PTPRG: variants seen among roughly 807,000 people sequenced by gnomAD.
The protein encoded by PTPRG is receptor-type tyrosine-protein phosphatase gamma.
A neutral mutation model predicts 165.3 loss-of-function variants in PTPRG; 102 were observed. The observed-to-expected ratio is 0.62, with a 90% confidence interval of 0.53 to 0.73. PTPRG has a LOEUF of 0.73. Ranked by LOEUF, PTPRG falls within the 30% of genes least tolerant of loss-of-function variation. The probability of loss-of-function intolerance (pLI) is 0.00; values close to 1 mark genes in which losing one functional copy is unlikely to be tolerated. For missense variants in PTPRG, 1,866 were observed against 1,861.4 expected, an observed-to-expected ratio of 1.00 and a Z score of -0.05; for synonymous variants, 675 against 669.5, an observed-to-expected ratio of 1.01 and a Z score of -0.13.
At chr3:61,641,068 G>A (rs980427984) in intron 1 of PTPRG, among the ~76,000 whole-genome samples, 2 of 152,130 alleles carry the variant, frequency 1.3e-5, no homozygotes, top group Non-Finnish European at 2.9e-5. Context: ...GCAACTAGAG[G>A]CATATTTACA....
At chr3:61,664,815 A>G (rs1702761728) in intron 1 of PTPRG, among the ~76,000 whole-genome samples, 1 of 152,226 alleles carries the variant, frequency 6.6e-6, no homozygotes, top group African/African-American at 2.4e-5. Flanking sequence ...TGGGCGACAG[A>G]GCCAGATCCT....
At position 62,078,331 on chromosome 3, in the gene PTPRG, G is replaced by A. The variant is rs1228130448; in HGVS notation, c.615+73G>A. The A allele has an allele frequency of 2.9e-5, 30 of 1,032,818 alleles. No homozygotes were observed. The East Asian group carries it at 7.7e-4, about 27-fold the overall frequency. The allele number at this position is 1,032,818 out of a possible 1,614,324, so 64.0% of individuals were successfully genotyped here. On this transcript the variant is annotated intron_variant, in intron 5 of 29. Coordinates refer to ENST00000474889, the MANE Select transcript of PTPRG (RefSeq NM_002841.4). Reference sequence around the variant, plus strand: ...TTTTTAATTTGCCGAATTGTTCCATGTTTAATGAATGCATCTGTTTTCTAG... The same window carrying A: ...TTTTTAATTTGCCGAATTGTTCCATATTTAATGAATGCATCTGTTTTCTAG...
chr3:61,986,369 A>G (rs2040762953), intron 2 of PTPRG, among the ~76,000 whole-genome samples: 1 of 152,186 alleles, frequency 6.6e-6, no homozygotes, highest in Non-Finnish European at 1.5e-5. Context: ...AAATTGTATA[A>G]TAGTAATAAT....
intron 7 of PTPRG, among the ~76,000 whole-genome samples, chr3:62,158,966 C>T (rs576161225): frequency 1.1e-4 from 16 of 151,602 alleles, no homozygotes; most frequent in Non-Finnish European, 2.1e-4. Flanking sequence ...ATATAAACAG[C>T]GTTGGTGGAA....
At chr3:62,073,241 G>A (rs867025093) in intron 4 of PTPRG, among the ~76,000 whole-genome samples, 2 of 152,314 alleles carry the variant, frequency 1.3e-5, no homozygotes, top group Middle Eastern at 6.8e-3. Flanking sequence ...GAATGGTGGA[G>A]TTAGAAAGTC....
chr3:62,121,902 C>T (rs188773533), intron 5 of PTPRG, among the ~76,000 whole-genome samples: 1 of 152,316 alleles, frequency 6.6e-6, no homozygotes, highest in East Asian at 1.9e-4. Context: ...ATGGCACGTT[C>T]TATCAATCAA....
At chr3:61,810,765 G>C (rs1238170006) in intron 2 of PTPRG, among the ~76,000 whole-genome samples, 1 of 152,148 alleles carries the variant, frequency 6.6e-6, no homozygotes, top group African/African-American at 2.4e-5. Flanking sequence ...AGAATGAATA[G>C]GCATTTTTTA....
At chr3:61,746,193 C>A (rs1484928219) in intron 1 of PTPRG, among the ~76,000 whole-genome samples, 1 of 146,222 alleles carries the variant, frequency 6.8e-6, no homozygotes, top group Non-Finnish European at 1.5e-5. Flanking sequence ...CAGGCGTGTG[C>A]CACCACACAC....
intron 2 of PTPRG, among the ~76,000 whole-genome samples, chr3:61,813,890 CTTT>C (rs58457367): frequency 2.2e-5 from 3 of 133,418 alleles, no homozygotes; most frequent in Non-Finnish European, 4.8e-5. Flanking sequence ...GAGATACTGG[CTTT>C]TTTTTTTTTT....
intron 2 of PTPRG, among the ~76,000 whole-genome samples, chr3:61,927,471 G>A (rs1158172768): frequency 3.3e-5 from 5 of 152,188 alleles, no homozygotes. Context: ...CTCCCACTTG[G>A]CTGTTTTGAG....
At chr3:61,651,916 A>G (rs1480500560) in intron 1 of PTPRG, among the ~76,000 whole-genome samples, 1 of 152,162 alleles carries the variant, frequency 6.6e-6, no homozygotes, top group African/African-American at 2.4e-5. Flanking sequence ...AGGCTGAGGC[A>G]GGAGAATCAC....
chr3:61,588,578 T>G (rs967588921), intron 1 of PTPRG, among the ~76,000 whole-genome samples: 4 of 152,024 alleles, frequency 2.6e-5, no homozygotes, highest in African/African-American at 7.2e-5. Context: ...CTGGAGCAGC[T>G]GGGACTACAG....
intron 3 of PTPRG, among the ~76,000 whole-genome samples, chr3:61,995,332 G>A (rs2041004617): frequency 6.6e-6 from 1 of 151,862 alleles, no homozygotes; most frequent in African/African-American, 2.4e-5. Context: ...CAAGCAATCT[G>A]CCCCACCTCG....
At chr3:62,161,970 A>G (rs1186052495) in intron 7 of PTPRG, among the ~76,000 whole-genome samples, 3 of 152,182 alleles carry the variant, frequency 2.0e-5, no homozygotes, top group African/African-American at 4.8e-5. Context: ...TGCTGTGCTA[A>G]TAATGGACCG....
intron 5 of PTPRG, among the ~76,000 whole-genome samples, chr3:62,126,306 T>A (rs59066629): frequency 0.02 from 2,972 of 152,312 alleles, 77 homozygotes; most frequent in African/African-American, 0.068. Flanking sequence ...ATTCATTTCC[T>A]CAAGTGGCCT....
chr3:62,268,876 G>C, intron 19 of PTPRG, among the ~76,000 whole-genome samples, 159 bp from the exon 20 acceptor site: 1 of 152,136 alleles, frequency 6.6e-6, no homozygotes, highest in East Asian at 1.9e-4. Flanking sequence ...CCTTGTCAGA[G>C]GTCACACCTG....
intron 3 of PTPRG, among the ~76,000 whole-genome samples, chr3:61,997,200 A>T (rs1258145773): frequency 6.6e-6 from 1 of 152,170 alleles, no homozygotes; most frequent in Non-Finnish European, 1.5e-5. Flanking sequence ...TCTTTACTGG[A>T]TTACTGCTAT....
chr3:61,606,356 A>T (rs1456966646), intron 1 of PTPRG, among the ~76,000 whole-genome samples: 1 of 152,194 alleles, frequency 6.6e-6, no homozygotes, highest in South Asian at 2.1e-4. Flanking sequence ...GCGGGGTGTC[A>T]GGGTGTCTCT....
chr3:62,192,393 CTTTTTTTTTTTTTTTTT>C (rs71123255), intron 9 of PTPRG, among the ~76,000 whole-genome samples: 18 of 52,594 alleles, frequency 3.4e-4, no homozygotes, highest in Admixed American at 2.0e-3. Flanking sequence ...CAACTACTGT[CTTTTTTTTTTTTTTTTT>C]TTTTTTTTTT....
Sources: gnomAD v4.1 joint callset for allele counts (sites outside exome capture counted in the v4.1 genomes callset) on GRCh38, gnomAD v4.1.1 for gene constraint, MANE v1.5 for transcripts, NCBI Gene and HGNC (gene_info 2026-07-23, HGNC 2026-07-21) for gene names.